The following CDH23 variants were observed in gnomAD, a reference collection of about 807,000 sequenced individuals.
CDH23 encodes cadherin-23.
CDH23 carries 189 observed loss-of-function variants against 317.1 expected under a neutral mutation model. That is an observed-to-expected ratio of 0.60 (90% CI 0.53 to 0.67). The LOEUF (loss-of-function observed/expected upper bound fraction) is 0.67. Ranked by LOEUF, CDH23 falls within the 30% of genes least tolerant of loss-of-function variation. CDH23 has a pLI of 0.00. For missense variants in CDH23, 4,401 were observed against 4,592.4 expected, an observed-to-expected ratio of 0.96 and a Z score of 1.20; for synonymous variants, 1,839 against 1,876.8, an observed-to-expected ratio of 0.98 and a Z score of 0.52.
At chr10:71,712,485 G>A in intron 27 of CDH23, 180 bp from the exon 28 acceptor site, 1 of 617,874 alleles carries the variant, frequency 1.6e-6, no homozygotes, top group Middle Eastern at 3.3e-4. Context: ...TGTTATCTAA[G>A]TATTTGATAC....
chr10:71,807,938 A>C lies in CDH23; in HGVS notation c.8653A>C (p.Ile2885Leu). ...IGNNSLVFYS[I>L]LAIHYFRALA... ...CAACAACAGCCTTGTCTTCTACAGC[A>C]TTCTGGCCATCCACTACTTCCGGGC... The change falls in exon 60 of 70, where the codon ATT becomes CTT. Residue 2885 changes from isoleucine (I) to leucine (L), a missense_variant. Ile to Leu is a conservative substitution (Grantham distance 5, BLOSUM62 2). This residue lies in a region of CDH23 where 1,144 missense variants were observed against 1,138.2 expected (regional missense o/e 1.01). Coordinates refer to ENST00000224721, the MANE Select transcript of CDH23 (RefSeq NM_022124.6). 1 of 1,602,558 alleles carries C rather than the reference A, an allele frequency of 6.2e-7. No individual in the cohort carries two copies. The highest frequency in any genetic ancestry group is 8.5e-7 in the Non-Finnish European group (1 of 1,174,512).
At chr10:71,552,550 A>G (rs1856655882) in intron 6 of CDH23, among the ~76,000 whole-genome samples, 1 of 152,174 alleles carries the variant, frequency 6.6e-6, no homozygotes, top group African/African-American at 2.4e-5. Context: ...GGGAGGGAGA[A>G]ATGCTTTCAT....
intron 41 of CDH23, among the ~76,000 whole-genome samples, chr10:71,781,810 G>A (rs184349338): frequency 2.6e-5 from 4 of 152,246 alleles, no homozygotes; most frequent in African/African-American, 9.6e-5. Context: ...AGATAACTTT[G>A]GGGTCTCTGA....
At chr10:71,766,907 C>A (rs930840272) in intron 38 of CDH23, among the ~76,000 whole-genome samples, 1 of 152,212 alleles carries the variant, frequency 6.6e-6, no homozygotes, top group African/African-American at 2.4e-5. Flanking sequence ...ATGAACTGAC[C>A]GTGCATTGAC....
intron 38 of CDH23, chr10:71,760,831 CAG>C (rs764197826): frequency 1.9e-6 from 3 of 1,595,478 alleles, no homozygotes; most frequent in Non-Finnish European, 2.6e-6. Flanking sequence ...CAGAAGAAAA[CAG>C]AGAACCCAAA....
intron 36 of CDH23, 38 bp from the exon 37 acceptor site, chr10:71,740,784 C>A: frequency 1.2e-6 from 2 of 1,612,602 alleles, no homozygotes; most frequent in South Asian, 1.1e-5. Flanking sequence ...CTGCCCGCCA[C>A]GCTTTAGCCC....
At chr10:71,766,239 C>T (rs1417727622) in intron 38 of CDH23, among the ~76,000 whole-genome samples, 1 of 152,160 alleles carries the variant, frequency 6.6e-6, no homozygotes, top group Non-Finnish European at 1.5e-5. Context: ...GGAGGAAAGC[C>T]CCTGGCTCCA....
chr10:71,481,639 G>A (rs997124905), intron 3 of CDH23, among the ~76,000 whole-genome samples: 2 of 152,196 alleles, frequency 1.3e-5, no homozygotes, highest in African/African-American at 4.8e-5. Flanking sequence ...AATAGGTCCA[G>A]GTAGGAAAGC....
intron 9 of CDH23, among the ~76,000 whole-genome samples, chr10:71,582,913 GCA>G: frequency 6.6e-6 from 1 of 152,192 alleles, no homozygotes; most frequent in Admixed American, 6.5e-5. Context: ...TGAAGAGGAG[GCA>G]CAAGATATGC....
chr10:71,738,485 C>T lies in CDH23; in HGVS notation c.4210-13C>T, dbSNP rs377079875. On this transcript the variant is annotated splice_polypyrimidine_tract_variant and intron_variant, in intron 34 of 69. Transcript: ENST00000224721. ...GAAGGAGGCTGTAGGTCTCTGACCA[C>T]GTTCACCCTCAGGTCTACATCACTG... is the stretch of plus-strand genomic sequence containing the variant. 85 of 1,613,906 alleles carry T rather than the reference C, an allele frequency of 5.3e-5. No homozygotes were observed. Among genetic ancestry groups the T allele is most frequent in the South Asian group, 3.7e-4 (34 of 91,088 alleles).
Position 71,807,379 on chromosome 10 carries a change from A to G in CDH23, c.8281A>G (p.Asn2761Asp). 6.2e-7 allele frequency: 1 copy of G among 1,613,918 alleles called. No individual in the cohort carries two copies. Among genetic ancestry groups the G allele is most frequent in the South Asian group, 1.1e-5 (1 of 91,068 alleles). Residue 2761 changes from asparagine (N) to aspartate (D), a missense_variant, in exon 58 of 70, where the codon AAC becomes GAC. Physicochemically the swap from Asn to Asp is conservative, Grantham distance 23. Transcript: ENST00000224721. ...TGAVDADEGP[N>D]AIVYYFIAAG... ...CGCAGTGGATGCAGATGAGGGCCCCAACGCGATCGTGTACTACTTCATCGC... is the reference window on the plus strand; with the variant it reads ...CGCAGTGGATGCAGATGAGGGCCCCGACGCGATCGTGTACTACTTCATCGC...
intron 6 of CDH23, among the ~76,000 whole-genome samples, chr10:71,519,787 T>C (rs1409404190): frequency 1.3e-5 from 2 of 151,578 alleles, no homozygotes; most frequent in Non-Finnish European, 2.9e-5. Context: ...TTTTCTTTTT[T>C]CTTTTTTTTT....
intron 1 of CDH23, among the ~76,000 whole-genome samples, chr10:71,414,922 T>C (rs769316368): frequency 2.6e-5 from 4 of 152,204 alleles, no homozygotes; most frequent in African/African-American, 7.2e-5. Context: ...GTGTCAGTGT[T>C]AGTACATTGC....
rs369040049 is a variant in CDH23 at position 71,802,888 on chromosome 10, A to G, written c.7483-10A>G. ...CTCCTTACCTTTGGCCTTGACCTCC[A>G]TCCACCCAGGTGGTGATCCAAGTGC... On this transcript the variant is annotated splice_polypyrimidine_tract_variant and intron_variant, in intron 53 of 69. Transcript: ENST00000224721. 13 of 1,613,868 alleles carry G rather than the reference A, an allele frequency of 8.1e-6. No homozygotes were observed. Among genetic ancestry groups the G allele is most frequent in the Non-Finnish European group, 1.1e-5 (13 of 1,179,840 alleles).
chr10:71,632,830 G>A lies in CDH23; in HGVS notation c.1135-11031G>A, dbSNP rs187901834. 5.0e-3 allele frequency among the ~76,000 whole-genome samples: 767 copies of A among 152,110 alleles called. 7 individuals are homozygous for A. Among genetic ancestry groups the A allele is most frequent in the African/African-American group, 0.018 (739 of 41,474 alleles). Reference sequence around the variant, plus strand: ...CTCTGTCTCTCACCTGCCTTCCCACGTGTCTTAGTCCATTTTGTGTTGCTT... The same window carrying A: ...CTCTGTCTCTCACCTGCCTTCCCACATGTCTTAGTCCATTTTGTGTTGCTT... On this transcript the variant is annotated intron_variant, in intron 11 of 69. Coordinates refer to ENST00000224721, the MANE Select transcript of CDH23 (RefSeq NM_022124.6).
chr10:71,798,127 G>A (rs1260489089), intron 49 of CDH23, among the ~76,000 whole-genome samples: 3 of 152,234 alleles, frequency 2.0e-5, no homozygotes, highest in Non-Finnish European at 1.5e-5. Flanking sequence ...AGGAAGGGCC[G>A]AGGGCTCCAC....
intron 14 of CDH23, 40 bp from the exon 15 acceptor site, chr10:71,675,069 AGCT>A: frequency 6.3e-7 from 1 of 1,582,868 alleles, no homozygotes; most frequent in Non-Finnish European, 8.7e-7. Flanking sequence ...CTGAAGCCTC[AGCT>A]GGGCCTGGCA....
chr10:71,771,222 G>A (rs74671428), intron 38 of CDH23, among the ~76,000 whole-genome samples: 102 of 152,246 alleles, frequency 6.7e-4, no homozygotes, highest in African/African-American at 2.4e-3. Flanking sequence ...GCTGGGTCCT[G>A]GTCCCTAAGT....
chr10:71,677,373 A>G, intron 15 of CDH23, 83 bp from the exon 16 acceptor site: 1 of 1,096,916 alleles, frequency 9.1e-7, no homozygotes, highest in Non-Finnish European at 1.3e-6. Flanking sequence ...CTGGGCAAGG[A>G]CAGGCTGGGA....
Sources: gnomAD v4.1 joint callset for allele counts (sites outside exome capture counted in the v4.1 genomes callset) on GRCh38, gnomAD v4.1.1 for gene constraint, gnomAD v4.1.1 regional missense constraint, MANE v1.5 for transcripts, NCBI Gene and HGNC (gene_info 2026-07-23, HGNC 2026-07-21) for gene names.